COLEC12: variants seen among roughly 807,000 people sequenced by gnomAD.
COLEC12 encodes the protein collectin-12.
In COLEC12, 33 loss-of-function variants were observed where a neutral mutation model predicts 71.1. The ratio of observed to expected loss-of-function variants is 0.46; its 90% CI spans 0.35 to 0.62. The LOEUF (loss-of-function observed/expected upper bound fraction) is 0.62. Among genes scored for constraint, COLEC12 ranks in the 20% least tolerant of loss-of-function variants. The pLI is 0.00. For synonymous variants in COLEC12, 350 were observed against 353.0 expected (o/e 0.99, Z 0.10); for missense variants, 765 against 916.1 (o/e 0.84, Z 2.13).
chr18:333,199 T>C, intron 6 of COLEC12, 56 bp from the exon 7 acceptor site: 1 of 1,491,054 alleles, frequency 6.7e-7, no homozygotes, highest in Non-Finnish European at 9.1e-7. Context: ...GCACTCTGCC[T>C]TTCTTCAGCT....
At chr18:321,641 T>A in intron 9 of COLEC12, 21 bp downstream of exon 9, 1 of 1,614,106 alleles carries the variant, frequency 6.2e-7, no homozygotes, top group Non-Finnish European at 8.5e-7. Flanking sequence ...AGCTCCCTCT[T>A]AAATCCCATC....
chr18:404,424 T>C (rs553050894), intron 2 of COLEC12, among the ~76,000 whole-genome samples: 58 of 152,280 alleles, frequency 3.8e-4, no homozygotes, highest in Non-Finnish European at 6.8e-4. Flanking sequence ...GCTTATGATG[T>C]TGTAAGCCGC....
intron 2 of COLEC12, among the ~76,000 whole-genome samples, chr18:444,451 C>A (rs527778224): frequency 6.6e-6 from 1 of 152,154 alleles, no homozygotes; most frequent in East Asian, 1.9e-4. Flanking sequence ...AAATTCTATA[C>A]CATCAGTACT....
At chr18:478,197 C>T (rs990923807) in intron 2 of COLEC12, among the ~76,000 whole-genome samples, 2 of 152,164 alleles carry the variant, frequency 1.3e-5, no homozygotes, top group South Asian at 2.1e-4. Flanking sequence ...TTCCCCAAAA[C>T]GACATTATCC....
At chr18:323,754 G>A (rs1248871597) in intron 8 of COLEC12, among the ~76,000 whole-genome samples, 2 of 152,120 alleles carry the variant, frequency 1.3e-5, no homozygotes, top group Non-Finnish European at 2.9e-5. Context: ...AATGTATAAT[G>A]ATAGGATATT....
chr18:473,966 G>A (rs1368333596), intron 2 of COLEC12, among the ~76,000 whole-genome samples: 3 of 152,164 alleles, frequency 2.0e-5, no homozygotes, highest in Non-Finnish European at 4.4e-5. Flanking sequence ...CAGAGAGAGT[G>A]GGGAGGAGGA....
chr18:407,852 C>A (rs2143629559), intron 2 of COLEC12, among the ~76,000 whole-genome samples: 1 of 152,326 alleles, frequency 6.6e-6, no homozygotes, highest in African/African-American at 2.4e-5. Context: ...CAGAATCACT[C>A]AGGGACTTTA....
intron 5 of COLEC12, among the ~76,000 whole-genome samples, chr18:336,675 T>C (rs1014375281): frequency 6.6e-5 from 10 of 152,162 alleles, no homozygotes; most frequent in African/African-American, 1.9e-4. Context: ...ACTTAGCTAC[T>C]AGGAACAGAT....
rs1914375901 is a variant in COLEC12 at position 346,553 on chromosome 18, G to A, written c.1069C>T (p.Leu357=). 1 of 1,614,216 alleles carries A rather than the reference G, an allele frequency of 6.2e-7. No individual in the cohort carries two copies. The highest frequency in any genetic ancestry group is 8.5e-7 in the Non-Finnish European group (1 of 1,180,022). Reference sequence around the variant, plus strand: ...TTTAGATTGCTGGTCAGCGTCCGCAGGTGGTGGGCTGTGTAACTGATATTG... The same window carrying A: ...TTTAGATTGCTGGTCAGCGTCCGCAAGTGGTGGGCTGTGTAACTGATATTG... ...ISNISYTAHH[L]RTLTSNLNEV... is the part of the protein sequence containing the mutation. The change falls in exon 5 of 10, where the codon CTG becomes TTG. Residue 357 remains leucine (L), a synonymous_variant. Transcript: ENST00000400256. The surrounding 1 kb of genome is among the most constrained non-coding windows in gnomAD (Gnocchi z 4.0).
rs2143770686 is a variant in COLEC12, at chr18:480,157, A to C, written c.58+550T>G. Reference sequence around the variant, plus strand: ...ATCATCTCCCCATCTCAAGCTCTTCAACTTAATCACACCTACAAAGTCCTT... The same window carrying C: ...ATCATCTCCCCATCTCAAGCTCTTCCACTTAATCACACCTACAAAGTCCTT... On this transcript the variant is annotated intron_variant, in intron 2 of 9. Coordinates refer to ENST00000400256, the MANE Select transcript of COLEC12 (RefSeq NM_130386.3). This position sits in a 1 kb window ranked among gnomAD's most constrained non-coding sequence, Gnocchi z 4.1. Among the ~76,000 whole-genome samples the C allele has an allele frequency of 6.6e-6, 1 of 152,278 alleles. No homozygotes were observed.
chr18:491,908 C>A (rs1043874474), intron 1 of COLEC12, among the ~76,000 whole-genome samples: 1 of 152,170 alleles, frequency 6.6e-6, no homozygotes, highest in Non-Finnish European at 1.5e-5. Context: ...CCTGGCTCCC[C>A]GCATGGTTTC....
At chr18:412,481 GAAAA>G (rs201793548) in intron 2 of COLEC12, among the ~76,000 whole-genome samples, 1 of 106,538 alleles carries the variant, frequency 9.4e-6, no homozygotes, top group Non-Finnish European at 2.0e-5. Context: ...GCTCTAAACA[GAAAA>G]AAAAAAAAGA....
At chr18:494,598 C>T (rs981492818) in intron 1 of COLEC12, among the ~76,000 whole-genome samples, 11 of 152,134 alleles carry the variant, frequency 7.2e-5, no homozygotes, top group African/African-American at 2.4e-5. Context: ...GGATTCAACA[C>T]CTGGGATCAC....
chr18:427,797 A>G (rs1916226356), intron 2 of COLEC12, among the ~76,000 whole-genome samples: 1 of 152,120 alleles, frequency 6.6e-6, no homozygotes, highest in Non-Finnish European at 1.5e-5. Context: ...AGGAGACCCT[A>G]GGCCCACCTC....
In COLEC12 at chr18:500,450, G is replaced by GCCCCCCCCCC; in HGVS notation, c.7+57_7+58insGGGGGGGGGG. On this transcript the variant is annotated intron_variant, in intron 1 of 9. Coordinates refer to ENST00000400256, the MANE Select transcript of COLEC12 (RefSeq NM_130386.3). This position sits in a 1 kb window ranked among gnomAD's most constrained non-coding sequence, Gnocchi z 5.3. ...GCGGGAGGCACCTCCGTGGCCTCCC[G>GCCCCCCCCCC]CGCGCCCCGAAGCCCGTTCCCCCCG... The GCCCCCCCCCC allele has an allele frequency of 1.1e-6, 1 of 916,948 alleles. No homozygotes were observed. The highest frequency in any genetic ancestry group is 8.2e-5 in the East Asian group (1 of 12,252). 56.8% of individuals were successfully genotyped at this position (916,948 alleles called of 1,614,324 possible).
intron 2 of COLEC12, among the ~76,000 whole-genome samples, chr18:462,186 T>C (rs1916996243): frequency 6.6e-6 from 1 of 152,194 alleles, no homozygotes; most frequent in South Asian, 2.1e-4. Context: ...ATTCCGCTCC[T>C]AGGTATATAC....
In COLEC12 at chr18:442,744, G is replaced by A. The variant is rs532380658; in HGVS notation, c.58+37963C>T. Among the ~76,000 whole-genome samples the A allele has an allele frequency of 1.2e-4, 18 of 152,326 alleles. No individual in the cohort carries two copies. The East Asian group carries it at 2.1e-3, about 18-fold the overall frequency. ...TGGGAGGCCAAGGCAGGCGGATCAC[G>A]AGGTAAGGAGATCGAGACCATCCTG... On this transcript the variant is annotated intron_variant, in intron 2 of 9. Transcript: ENST00000400256.
At chr18:406,540 A>AAAAAAAG (rs1915793417) in intron 2 of COLEC12, among the ~76,000 whole-genome samples, 1 of 145,918 alleles carries the variant, frequency 6.9e-6, no homozygotes, top group Non-Finnish European at 1.5e-5. Context: ...AAAAAAAAAA[A>AAAAAAAG]GGGCAACCAG....
At chr18:338,790 C>A (rs1914177007) in intron 5 of COLEC12, among the ~76,000 whole-genome samples, 1 of 152,178 alleles carries the variant, frequency 6.6e-6, no homozygotes, top group Non-Finnish European at 1.5e-5. Context: ...GGAAAAAATA[C>A]TGACAATTTA....
Sources: allele counts gnomAD v4.1 joint callset (sites outside exome capture counted in the v4.1 genomes callset), GRCh38; gene constraint gnomAD v4.1.1; non-coding constraint Gnocchi (gnomAD v3.1); transcripts MANE v1.5; gene names NCBI Gene and HGNC (gene_info 2026-07-23, HGNC 2026-07-21).